Variants in ACACA observed in about 807,000 individuals in gnomAD.
ACACA encodes the protein acetyl-CoA carboxylase alpha.
In ACACA, 103 loss-of-function variants were observed where a neutral mutation model predicts 296.1. The ratio of observed to expected loss-of-function variants is 0.35; its 90% CI spans 0.30 to 0.41. The LOEUF (loss-of-function observed/expected upper bound fraction) is 0.41, where lower values mean the gene tolerates loss of function less well. ACACA is among the 10% of genes least tolerant of loss of function. The probability of loss-of-function intolerance (pLI) is 1.00; values close to 1 mark genes in which losing one functional copy is unlikely to be tolerated. For synonymous variants in ACACA, 953 were observed against 1,038.6 expected (o/e 0.92, Z 1.58); for missense variants, 1,554 against 2,989.7 (o/e 0.52, Z 11.20).
chr17:37,223,779 T>G (rs2079404826), intron 27 of ACACA, among the ~76,000 whole-genome samples, 178 bp from the exon 28 acceptor site: 1 of 152,240 alleles, frequency 6.6e-6, no homozygotes, highest in Non-Finnish European at 1.5e-5. Flanking sequence ...CCTATCCTCA[T>G]AGGGCTGTTG....
intron 1 of ACACA, chr17:37,386,084 T>C (rs918914289): frequency 6.2e-7 from 1 of 1,600,562 alleles, no homozygotes; most frequent in African/African-American, 1.3e-5. Context: ...GCCCCTTCTA[T>C]AACTCCTGGG....
chr17:37,128,743 G>A (rs144646864), intron 47 of ACACA, among the ~76,000 whole-genome samples: 1 of 152,236 alleles, frequency 6.6e-6, no homozygotes, highest in East Asian at 1.9e-4. Context: ...ATATCTGGAG[G>A]GAGAGCTTAT....
At chr17:37,391,638 A>G in intron 1 of ACACA, 1 of 1,612,750 alleles carries the variant, frequency 6.2e-7, no homozygotes, top group Non-Finnish European at 8.5e-7. Flanking sequence ...ATTTCCTTTC[A>G]ATCTCTAGGT....
chr17:37,255,100 CA>C (rs199744170), intron 14 of ACACA, among the ~76,000 whole-genome samples: 3,775 of 120,404 alleles, frequency 0.031, 130 homozygotes, highest in African/African-American at 0.095. Context: ...GACTCTGTCT[CA>C]AAAAAAAAAA....
At chr17:37,290,878 C>T (rs1355253860) in intron 3 of ACACA, among the ~76,000 whole-genome samples, 3 of 151,966 alleles carry the variant, frequency 2.0e-5, no homozygotes, top group Non-Finnish European at 4.4e-5. Context: ...GTCAAGATAT[C>T]AAGGCCATCC....
intron 3 of ACACA, among the ~76,000 whole-genome samples, chr17:37,290,214 A>C (rs1303071424): frequency 6.6e-6 from 1 of 151,870 alleles, no homozygotes; most frequent in Non-Finnish European, 1.5e-5. Flanking sequence ...CGCTCGACTA[A>C]TTTTTTCTAT....
intron 41 of ACACA, among the ~76,000 whole-genome samples, chr17:37,167,653 G>A: frequency 7.1e-6 from 1 of 140,410 alleles, no homozygotes; most frequent in South Asian, 2.2e-4. Context: ...AGAAATTAAG[G>A]AAGTATGTTC....
intron 51 of ACACA, among the ~76,000 whole-genome samples, chr17:37,112,860 T>A (rs2074052933): frequency 6.6e-6 from 1 of 152,216 alleles, no homozygotes; most frequent in Non-Finnish European, 1.5e-5. Flanking sequence ...CACCTCCCAA[T>A]AAGCCTGAGG....
chr17:37,335,902 G>A (rs755685467), intron 2 of ACACA, among the ~76,000 whole-genome samples: 16 of 151,884 alleles, frequency 1.1e-4, no homozygotes, highest in South Asian at 4.2e-4. Flanking sequence ...TAATCAATCC[G>A]GAATCATCAC....
chr17:37,285,068 G>A (rs761847104), intron 3 of ACACA, 98 bp from the exon 4 acceptor site: 88 of 1,354,364 alleles, frequency 6.5e-5, no homozygotes, highest in Non-Finnish European at 8.8e-5. Flanking sequence ...ACTGCATCCT[G>A]TGAAGACTGC....
chr17:37,274,062 A>T (rs1039839895), intron 9 of ACACA, 131 bp downstream of exon 9: 2 of 788,538 alleles, frequency 2.5e-6, no homozygotes, highest in Non-Finnish European at 4.5e-6. Flanking sequence ...CTATACTTTC[A>T]AACTACACCT....
At chr17:37,156,053 CTTTTTTTTTTTTTTTTTT>C (rs60787242) in intron 42 of ACACA, among the ~76,000 whole-genome samples, 2 of 94,010 alleles carry the variant, frequency 2.1e-5, no homozygotes, top group African/African-American at 8.7e-5. Context: ...TTCTTTCTTT[CTTTTTTTTTTTTTTTTTT>C]TTTTTTTGTT....
intron 36 of ACACA, 54 bp downstream of exon 36, chr17:37,193,320 G>T: frequency 7.3e-7 from 1 of 1,371,372 alleles, no homozygotes; most frequent in South Asian, 1.2e-5. Context: ...CCGCTCTTGG[G>T]CTTTTAAGAA....
At chr17:37,151,006 C>T (rs1179643909) in intron 44 of ACACA, among the ~76,000 whole-genome samples, 3 of 151,300 alleles carry the variant, frequency 2.0e-5, no homozygotes, top group African/African-American at 4.9e-5. Context: ...GAGCTGAGAT[C>T]GTGCCACTGC....
chr17:37,384,659 G>A (rs2050449810), intron 1 of ACACA, among the ~76,000 whole-genome samples: 1 of 151,614 alleles, frequency 6.6e-6, no homozygotes, highest in Non-Finnish European at 1.5e-5. Context: ...TTATCACTTC[G>A]AAGAACTGAC....
intron 45 of ACACA, among the ~76,000 whole-genome samples, chr17:37,147,355 G>C (rs1282417415): frequency 1.3e-5 from 2 of 152,080 alleles, no homozygotes; most frequent in Non-Finnish European, 2.9e-5. Context: ...GACACAAAGA[G>C]ACAGAAAGAT....
intron 1 of ACACA, among the ~76,000 whole-genome samples, chr17:37,392,994 T>C (rs2050944027): frequency 6.6e-6 from 1 of 151,572 alleles, no homozygotes; most frequent in Admixed American, 6.6e-5. Flanking sequence ...ATACAAAAAT[T>C]AGCCGGGCAT....
At chr17:37,361,086 T>C (rs2049388960) in intron 1 of ACACA, among the ~76,000 whole-genome samples, 1 of 150,098 alleles carries the variant, frequency 6.7e-6, no homozygotes, top group South Asian at 2.1e-4. Context: ...TCGCCCAGGC[T>C]GGAGTGCCGT....
Position 37,179,530 on chromosome 17 carries a change from T to C in ACACA, c.4933-124A>G. 2.8e-6 allele frequency: 3 copies of C among 1,060,098 alleles called. No homozygotes were observed. In the South Asian group the frequency reaches 4.1e-5, roughly 14 times the overall value. The allele number at this position is 1,060,098 out of a possible 1,614,324, so 65.7% of individuals were successfully genotyped here. ...CAAGTGTTCTGCAGAGTGTAAACATTAGACTAAATTCTCCAGCTCCCATTC... is the reference window on the plus strand; with the variant it reads ...CAAGTGTTCTGCAGAGTGTAAACATCAGACTAAATTCTCCAGCTCCCATTC... On this transcript the variant is annotated intron_variant, in intron 40 of 55. Transcript: ENST00000616317.
Sources: allele counts gnomAD v4.1 joint callset (sites outside exome capture counted in the v4.1 genomes callset), GRCh38; gene constraint gnomAD v4.1.1; transcripts MANE v1.5; gene names NCBI Gene and HGNC (gene_info 2026-07-23, HGNC 2026-07-21).